TRARG1: variants seen among roughly 807,000 people sequenced by gnomAD.
TRARG1 encodes the protein trafficking regulator of GLUT4 1.
In TRARG1, 16 loss-of-function variants were observed where a neutral mutation model predicts 13.3. That is an observed-to-expected ratio of 1.20 (90% CI 0.81 to 1.83). The LOEUF (loss-of-function observed/expected upper bound fraction) is 1.83, where lower values mean the gene tolerates loss of function less well. Among genes scored for constraint, TRARG1 ranks in the 40% most tolerant of loss-of-function variants. The pLI, the probability that TRARG1 is intolerant of heterozygous loss-of-function variation, is 0.00. For synonymous variants in TRARG1, 113 were observed against 106.2 expected (o/e 1.06, Z -0.39); for missense variants, 250 against 237.4 (o/e 1.05, Z -0.35).
intron 1 of TRARG1, among the ~76,000 whole-genome samples, chr17:1,288,122 T>G (rs1184652930): frequency 3.9e-5 from 6 of 151,942 alleles, no homozygotes; most frequent in Non-Finnish European, 8.8e-5. Flanking sequence ...CTCTCCCGTC[T>G]GGAAGAAACC....
rs1173826888 is a variant in TRARG1 at position 1,280,020 on chromosome 17, T to C, written c.19T>C (p.Ser7Pro). The change falls in exon 1 of 3, where the codon TCC (serine) becomes CCC (proline). Residue 7 changes from serine (S) to proline (P), a missense_variant. Transcript: ENST00000333813. Reference sequence around the variant, plus strand: ...GGCCCCCATGGCCCACCCGGTGCAGTCCGAGTTTCCTTCAGCACAGGAGCC... The same window carrying C: ...GGCCCCCATGGCCCACCCGGTGCAGCCCGAGTTTCCTTCAGCACAGGAGCC... Reference protein sequence around the residue: MAHPVQSEFPSAQEPGS... With the variant: MAHPVQPEFPSAQEPGS... The C allele has an allele frequency of 7.4e-6, 12 of 1,612,500 alleles. No homozygotes were observed. Among genetic ancestry groups the C allele is most frequent in the Non-Finnish European group, 1.0e-5 (12 of 1,179,646 alleles).
intron 1 of TRARG1, among the ~76,000 whole-genome samples, chr17:1,289,885 C>G (rs1328831071): frequency 6.6e-6 from 1 of 152,112 alleles, no homozygotes; most frequent in African/African-American, 2.4e-5. Flanking sequence ...GGAGGAAGGG[C>G]ACCTCCACTC....
intron 2 of TRARG1, among the ~76,000 whole-genome samples, chr17:1,297,534 G>A (rs931633879): frequency 4.7e-5 from 7 of 150,180 alleles, no homozygotes; most frequent in Non-Finnish European, 1.0e-4. Context: ...ATTAGCCTCC[G>A]TCTCACCAAA....
intron 1 of TRARG1, among the ~76,000 whole-genome samples, chr17:1,291,126 G>A (rs926381207): frequency 3.3e-5 from 5 of 151,494 alleles, no homozygotes; most frequent in African/African-American, 1.2e-4. Context: ...GGCTGGTCTC[G>A]AACTCCTGAC....
chr17:1,281,964 A>G (rs1007611127), intron 1 of TRARG1, among the ~76,000 whole-genome samples: 1 of 150,446 alleles, frequency 6.6e-6, no homozygotes, highest in African/African-American at 2.4e-5. Flanking sequence ...ACATGTACAT[A>G]TATGCACACG....
At chr17:1,287,899 C>T (rs981278235) in intron 1 of TRARG1, among the ~76,000 whole-genome samples, 2 of 149,942 alleles carry the variant, frequency 1.3e-5, no homozygotes, top group African/African-American at 2.5e-5. Context: ...GTGACCTCCC[C>T]GTTTCAGCCT....
Position 1,280,171 on chromosome 17 carries a change from G to T in TRARG1, c.170G>T (p.Ser57Ile). ...LSGPLDLEQN[S>I]QGLPFKAISE... Reference sequence around the variant, plus strand: ...GGGCCTCTGGATCTGGAGCAGAACAGCCAGGGCCTACCCTTCAAGGCCATC... The same window carrying T: ...GGGCCTCTGGATCTGGAGCAGAACATCCAGGGCCTACCCTTCAAGGCCATC... The change falls in exon 1 of 3, where the codon AGC becomes ATC. Residue 57 changes from serine to isoleucine, a missense_variant. By Grantham distance (142) the Ser-to-Ile change is moderately radical. Coordinates refer to ENST00000333813, the MANE Select transcript of TRARG1 (RefSeq NM_172367.3). 6.2e-7 allele frequency: 1 copy of T among 1,614,022 alleles called. No homozygotes were observed. Among genetic ancestry groups the T allele is most frequent in the South Asian group, 1.1e-5 (1 of 91,052 alleles).
At chr17:1,292,467 G>A (rs1366298455) in intron 1 of TRARG1, among the ~76,000 whole-genome samples, 2 of 152,244 alleles carry the variant, frequency 1.3e-5, no homozygotes, top group Middle Eastern at 3.4e-3. Flanking sequence ...GGTGCTGCTC[G>A]AGCCCTGCCT....
intron 1 of TRARG1, among the ~76,000 whole-genome samples, chr17:1,281,604 C>T (rs968964863): frequency 2.6e-5 from 4 of 152,134 alleles, no homozygotes; most frequent in Non-Finnish European, 4.4e-5. Flanking sequence ...GCTGTGGAAG[C>T]AGGGCCGGGC....
Position 1,300,513 on chromosome 17 carries a change from G to C in TRARG1, c.*2249G>C, listed in dbSNP as rs373990326. 1 of 152,840 alleles carries C rather than the reference G, an allele frequency of 6.5e-6. No homozygotes were observed. The highest frequency in any genetic ancestry group is 1.5e-5 in the Non-Finnish European group (1 of 68,654). 9.5% of individuals were successfully genotyped at this position (152,840 alleles called of 1,614,324 possible). ...AGAACCCAGGACAGCCACAGCCACC[G>C]CTTAGGGGAAGCCACTGCAGATGCC... On this transcript the variant is annotated 3_prime_UTR_variant, in exon 3 of 3. Transcript: ENST00000333813.
chr17:1,282,105 T>A (rs951127866), intron 1 of TRARG1, among the ~76,000 whole-genome samples: 1 of 138,734 alleles, frequency 7.2e-6, no homozygotes, highest in Non-Finnish European at 1.5e-5. Flanking sequence ...CGTATATGTG[T>A]ACACATAAAT....
At chr17:1,282,228 A>ATATGTACGTC (rs1567928195) in intron 1 of TRARG1, among the ~76,000 whole-genome samples, 1 of 140,886 alleles carries the variant, frequency 7.1e-6, no homozygotes, top group South Asian at 2.3e-4. Flanking sequence ...ACACGTGCGT[A>ATATGTACGTC]TATGTACGTA....
At chr17:1,283,861 C>T (rs574609288) in intron 1 of TRARG1, among the ~76,000 whole-genome samples, 1 of 151,806 alleles carries the variant, frequency 6.6e-6, no homozygotes, top group South Asian at 2.1e-4. Context: ...GCCTGTAATC[C>T]CAGCACTTTG....
At chr17:1,285,944 G>C (rs1164935455) in intron 1 of TRARG1, among the ~76,000 whole-genome samples, 2 of 152,160 alleles carry the variant, frequency 1.3e-5, no homozygotes, top group Admixed American at 1.3e-4. Flanking sequence ...CAGCTCCGAG[G>C]CCGCTCAGGT....
At chr17:1,283,234 C>G (rs2150806545) in intron 1 of TRARG1, among the ~76,000 whole-genome samples, 1 of 152,268 alleles carries the variant, frequency 6.6e-6, no homozygotes, top group South Asian at 2.1e-4. Context: ...GGTATAACCT[C>G]AATGCCTGCA....
At chr17:1,284,932 G>A (rs1185812550) in intron 1 of TRARG1, among the ~76,000 whole-genome samples, 6 of 151,920 alleles carry the variant, frequency 3.9e-5, no homozygotes, top group South Asian at 2.1e-4. Context: ...CACCCGCCTC[G>A]GCCTCCCAAA....
chr17:1,295,486 C>G lies in TRARG1; in HGVS notation c.388-5C>G, dbSNP rs201405080. ...TCCCGGGGTCTCTCTGTGCTCTCTC[C>G]GCAGTCTCGAAGCAGCATGCAACAG... On this transcript the variant is annotated splice_polypyrimidine_tract_variant and splice_region_variant and intron_variant, in intron 1 of 2. Transcript: ENST00000333813. 3 of 1,601,084 alleles carry G rather than the reference C, an allele frequency of 1.9e-6. No individual in the cohort carries two copies. The East Asian group carries it at 6.7e-5, about 36-fold the overall frequency.
At chr17:1,292,503 C>T (rs2072076275) in intron 1 of TRARG1, among the ~76,000 whole-genome samples, 1 of 152,174 alleles carries the variant, frequency 6.6e-6, no homozygotes, top group African/African-American at 2.4e-5. Flanking sequence ...ACCTCTGTGC[C>T]TCCCCATCCT....
chr17:1,293,898 G>A (rs182595476), intron 1 of TRARG1, among the ~76,000 whole-genome samples: 1 of 152,078 alleles, frequency 6.6e-6, no homozygotes, highest in African/African-American at 2.4e-5. Flanking sequence ...CCTCAGGGAG[G>A]TGGGGCTGCA....
Sources: gnomAD v4.1 joint callset for allele counts (sites outside exome capture counted in the v4.1 genomes callset) on GRCh38, gnomAD v4.1.1 for gene constraint, MANE v1.5 for transcripts, NCBI Gene and HGNC (gene_info 2026-07-23, HGNC 2026-07-21) for gene names.